Variants in ATP13A5 observed in about 807,000 individuals in gnomAD.
The protein encoded by ATP13A5 is ATPase 13A5.
Under a neutral mutation model 150.2 loss-of-function variants are expected in ATP13A5, and 149 were observed. The ratio of observed to expected loss-of-function variants is 0.99; its 90% confidence interval spans 0.87 to 1.14. ATP13A5 has a LOEUF of 1.14. ATP13A5 is among the 50% of genes most tolerant of loss of function. The pLI is 0.00. For synonymous variants in ATP13A5, 497 were observed against 522.2 expected (o/e 0.95, Z 0.66); for missense variants, 1,383 against 1,449.3 (o/e 0.95, Z 0.74).
chr3:193,319,233 C>A (rs527863855), intron 16 of ATP13A5, 125 bp from the exon 17 acceptor site: 23 of 666,018 alleles, frequency 3.5e-5, no homozygotes, highest in Middle Eastern at 3.4e-4. Flanking sequence ...TAATAGAAAA[C>A]TTAGAGCTTC....
At chr3:193,308,755 G>A (rs955082401) in intron 21 of ATP13A5, among the ~76,000 whole-genome samples, 1 of 152,170 alleles carries the variant, frequency 6.6e-6, no homozygotes, top group African/African-American at 2.4e-5. Flanking sequence ...CTCATTCTGA[G>A]GCAGTGTGTG....
rs1166910536 is a variant in ATP13A5, at chr3:193,351,166, G to C, written c.642C>G (p.Thr214=). The part of the protein sequence containing the change: ...LNPFYVFQAF[T]LTLWLSQGYI... Reference sequence around the variant, plus strand: ...AACCTTGAGACAGCCACAAAGTTAGGGTGAAGGCTTGGAACACATAGAATG... The same window carrying C: ...AACCTTGAGACAGCCACAAAGTTAGCGTGAAGGCTTGGAACACATAGAATG... The change falls in exon 7 of 30, where the codon ACC becomes ACG. Residue 214 remains threonine (T), a synonymous_variant. Transcript: ENST00000342358. 1 of 1,613,776 alleles carries C rather than the reference G, an allele frequency of 6.2e-7. No individual in the cohort carries two copies. The highest frequency in any genetic ancestry group is 1.3e-5 in the African/African-American group (1 of 75,016).
chr3:193,324,338 T>C (rs981406392), intron 14 of ATP13A5, among the ~76,000 whole-genome samples: 3 of 152,188 alleles, frequency 2.0e-5, no homozygotes, highest in Admixed American at 6.5e-5. Flanking sequence ...TTAAACTATT[T>C]AAAATTAAAT....
At position 193,322,591 on chromosome 3, in the gene ATP13A5, A is replaced by C. The variant is rs1719324021; in HGVS notation, c.1675-17T>G. On this transcript the variant is annotated splice_polypyrimidine_tract_variant and intron_variant, in intron 14 of 29. Coordinates refer to ENST00000342358, the MANE Select transcript of ATP13A5 (RefSeq NM_198505.4). The stretch of plus-strand genomic sequence containing the variant: ...TTCCATTTTCTGTTATAAAATGAAA[A>C]CATTCATAAGATTCTTTGAATAAAA... 1 of 1,520,510 alleles carries C rather than the reference A, an allele frequency of 6.6e-7. No individual in the cohort carries two copies. The highest frequency in any genetic ancestry group is 2.3e-5 in the East Asian group (1 of 44,422). The allele number at this position is 1,520,510 out of a possible 1,614,324, so 94.2% of individuals were successfully genotyped here. A position where few individuals can be genotyped will look rare whatever the true frequency, so the allele number is the denominator to read the frequency against.
At chr3:193,350,844 A>G (rs1479541454) in intron 7 of ATP13A5, among the ~76,000 whole-genome samples, 1 of 152,162 alleles carries the variant, frequency 6.6e-6, no homozygotes, top group Non-Finnish European at 1.5e-5. Context: ...CTTCTAAACA[A>G]AGCATTCGAT....
chr3:193,281,629 G>T (rs1476892539), intron 27 of ATP13A5, among the ~76,000 whole-genome samples: 1 of 152,098 alleles, frequency 6.6e-6, no homozygotes, highest in Non-Finnish European at 1.5e-5. Context: ...GTTAAAAAGG[G>T]CAAAGAGTTT....
chr3:193,309,921 G>A (rs1718776840), intron 21 of ATP13A5, among the ~76,000 whole-genome samples: 1 of 152,058 alleles, frequency 6.6e-6, no homozygotes, highest in Non-Finnish European at 1.5e-5. Flanking sequence ...TGTTATACGA[G>A]GGAACTCATG....
chr3:193,309,536 G>T (rs1037606680), intron 21 of ATP13A5, among the ~76,000 whole-genome samples: 3 of 152,130 alleles, frequency 2.0e-5, no homozygotes, highest in South Asian at 2.1e-4. Context: ...TCCCCTGGAC[G>T]TGGGCTGGAT....
intron 6 of ATP13A5, among the ~76,000 whole-genome samples, chr3:193,352,044 A>G (rs1305251712): frequency 6.6e-6 from 1 of 152,182 alleles, no homozygotes; most frequent in African/African-American, 2.4e-5. Flanking sequence ...TTTTCTGAGA[A>G]AGTGTTCTTT....
chr3:193,346,287 T>A (rs1359115898), intron 7 of ATP13A5, among the ~76,000 whole-genome samples: 1 of 152,164 alleles, frequency 6.6e-6, no homozygotes. Flanking sequence ...TTGCTTGAGA[T>A]CGTTTATTGA....
chr3:193,288,251 C>A (rs1717802422), intron 26 of ATP13A5, among the ~76,000 whole-genome samples: 1 of 152,114 alleles, frequency 6.6e-6, no homozygotes, highest in South Asian at 2.1e-4. Context: ...TGCGAGAATT[C>A]ACTTCAAATT....
At chr3:193,327,914 T>G (rs548567225) in intron 12 of ATP13A5, among the ~76,000 whole-genome samples, 1 of 152,354 alleles carries the variant, frequency 6.6e-6, no homozygotes, top group South Asian at 2.1e-4. Flanking sequence ...CAGAATACCC[T>G]GTTTCAACAC....
intron 28 of ATP13A5, among the ~76,000 whole-genome samples, chr3:193,278,939 T>C (rs1044242073): frequency 1.3e-5 from 2 of 152,236 alleles, no homozygotes; most frequent in African/African-American, 4.8e-5. Flanking sequence ...TCCACTGATA[T>C]AAAACTTCAT....
intron 5 of ATP13A5, among the ~76,000 whole-genome samples, chr3:193,359,673 T>C (rs4438606): frequency 0.55 from 84,071 of 151,660 alleles, 23,655 homozygotes; most frequent in African/African-American, 0.65. Context: ...GTGGCTTAAG[T>C]TGGCCATGGA....
rs116155022 is a variant in ATP13A5 at position 193,333,951 on chromosome 3, C to T, written c.1115-44G>A. 966 of 1,566,260 alleles carry T rather than the reference C, an allele frequency of 6.2e-4. 2 individuals carry two copies. In the African/African-American group the frequency reaches 0.012, roughly 19 times the overall value. The stretch of plus-strand genomic sequence containing the variant: ...AGATCAAGTAAGGCTGCTTGATGGA[C>T]ACTTGGTCTCCTAAAAATGGCTTTA... On this transcript the variant is annotated intron_variant, in intron 10 of 29. Coordinates refer to ENST00000342358, the MANE Select transcript of ATP13A5 (RefSeq NM_198505.4).
At chr3:193,277,255 A>G (rs2108812304) in intron 28 of ATP13A5, among the ~76,000 whole-genome samples, 1 of 152,346 alleles carries the variant, frequency 6.6e-6, no homozygotes, top group South Asian at 2.1e-4. Context: ...AGGACAGAGA[A>G]ATGTAAGTAT....
chr3:193,363,254 T>A lies in ATP13A5; in HGVS notation c.366A>T (p.Leu122Phe). 1 of 1,613,180 alleles carries A rather than the reference T, an allele frequency of 6.2e-7. No individual in the cohort carries two copies. Among genetic ancestry groups the A allele is most frequent in the Non-Finnish European group, 8.5e-7 (1 of 1,179,566 alleles). ...AACTTACTTTTAATTCTGGCTTTAT[T>A]AAGGCTTGGTTTATGACAGAGTGGC... ...ADRHSVINQA[L>F]IKPELKLRCM... Residue 122 changes from leucine to phenylalanine, a missense_variant, in exon 3 of 30, where the codon TTA becomes TTT. Coordinates refer to ENST00000342358, the MANE Select transcript of ATP13A5 (RefSeq NM_198505.4).
intron 25 of ATP13A5, among the ~76,000 whole-genome samples, chr3:193,294,852 G>C (rs938756872): frequency 3.3e-5 from 5 of 152,116 alleles, no homozygotes; most frequent in Admixed American, 3.3e-4. Flanking sequence ...CAACGCTTAA[G>C]TAGGCTACAA....
intron 9 of ATP13A5, among the ~76,000 whole-genome samples, chr3:193,335,874 A>AT (rs201728560): frequency 1.3e-5 from 2 of 152,164 alleles, no homozygotes; most frequent in African/African-American, 2.4e-5. Flanking sequence ...GCAGGTAGCA[A>AT]TTTTTTTCCT....
Sources: gnomAD v4.1 joint callset for allele counts (sites outside exome capture counted in the v4.1 genomes callset) on GRCh38, gnomAD v4.1.1 for gene constraint, MANE v1.5 for transcripts, NCBI Gene and HGNC (gene_info 2026-07-23, HGNC 2026-07-21) for gene names.